The following MTMR3 variants were observed in gnomAD, a reference collection of about 807,000 sequenced individuals.
MTMR3 encodes phosphatidylinositol-3,5-bisphosphate 3-phosphatase MTMR3.
Under a neutral mutation model 132.4 loss-of-function variants are expected in MTMR3, and 32 were observed. The ratio of observed to expected loss-of-function variants is 0.24; its 90% CI spans 0.18 to 0.32. The LOEUF (loss-of-function observed/expected upper bound fraction) is 0.32. MTMR3 is among the 10% of genes least tolerant of loss of function. The pLI, the probability that MTMR3 is intolerant of heterozygous loss-of-function variation, is 1.00. For missense variants in MTMR3, 1,216 were observed against 1,489.6 expected, an observed-to-expected ratio of 0.82 and a Z score of 3.02; for synonymous variants, 556 against 550.3, an observed-to-expected ratio of 1.01 and a Z score of -0.14.
chr22:29,968,551 T>C (rs946576710), intron 2 of MTMR3, among the ~76,000 whole-genome samples: 5 of 152,192 alleles, frequency 3.3e-5, no homozygotes, highest in Non-Finnish European at 7.4e-5. Flanking sequence ...AATAAGTGCC[T>C]TTTTGCACAT....
chr22:29,958,626 A>G lies in MTMR3; in HGVS notation c.-85+1538A>G, dbSNP rs1025787264. Among the ~76,000 whole-genome samples the G allele has an allele frequency of 2.8e-4, 43 of 152,092 alleles. 1 individual carries two copies. Among genetic ancestry groups the G allele is most frequent in the Non-Finnish European group, 8.8e-5 (6 of 68,030 alleles). Reference sequence around the variant, plus strand: ...TATTAAAAGCTTGAGTCTTCCAGAAAGTCTTCCTTAAGTGCCCAGCTCAGA... The same window carrying G: ...TATTAAAAGCTTGAGTCTTCCAGAAGGTCTTCCTTAAGTGCCCAGCTCAGA... On this transcript the variant is annotated intron_variant, in intron 2 of 19. Transcript: ENST00000401950.
At chr22:29,912,065 G>C (rs2065224364) in intron 1 of MTMR3, among the ~76,000 whole-genome samples, 1 of 152,070 alleles carries the variant, frequency 6.6e-6, no homozygotes, top group Non-Finnish European at 1.5e-5. Context: ...GAAATGAAGA[G>C]GTGAGGTATG....
chr22:29,904,521 G>C (rs1454711060), intron 1 of MTMR3, among the ~76,000 whole-genome samples: 2 of 152,184 alleles, frequency 1.3e-5, no homozygotes, highest in African/African-American at 4.8e-5. Context: ...CTGAGTCTCA[G>C]GTTTAAAATG....
chr22:29,942,058 C>T (rs747193924), intron 1 of MTMR3, among the ~76,000 whole-genome samples: 17 of 152,142 alleles, frequency 1.1e-4, no homozygotes, highest in Admixed American at 2.6e-4. Flanking sequence ...GTTGACCCTT[C>T]TGTGACACCT....
chr22:29,969,624 A>G (rs2066494083), intron 2 of MTMR3, among the ~76,000 whole-genome samples: 1 of 151,586 alleles, frequency 6.6e-6, no homozygotes, highest in Non-Finnish European at 1.5e-5. Context: ...TCTGCCTCCC[A>G]GGTTCACGTT....
chr22:29,897,133 G>A (rs1340202028), intron 1 of MTMR3, among the ~76,000 whole-genome samples: 6 of 150,060 alleles, frequency 4.0e-5, no homozygotes, highest in Non-Finnish European at 7.4e-5. Context: ...AGGCTGGAGT[G>A]CAGTGGTGGA....
At chr22:29,908,635 T>A (rs2065146898) in intron 1 of MTMR3, among the ~76,000 whole-genome samples, 2 of 151,528 alleles carry the variant, frequency 1.3e-5, no homozygotes, top group Middle Eastern at 3.4e-3. Flanking sequence ...GGAATATGTC[T>A]TTTTCATTTT....
At chr22:29,917,055 C>A (rs528252466) in intron 1 of MTMR3, among the ~76,000 whole-genome samples, 7 of 152,298 alleles carry the variant, frequency 4.6e-5, no homozygotes, top group African/African-American at 1.4e-4. Flanking sequence ...TGGCTCCCAC[C>A]AGCTGGTATT....
At chr22:29,971,144 C>A in intron 3 of MTMR3, 82 bp downstream of exon 3, 1 of 1,403,110 alleles carries the variant, frequency 7.1e-7, no homozygotes, top group Non-Finnish European at 9.7e-7. Context: ...TAAATTCATA[C>A]TTACCCATTT....
intron 12 of MTMR3, chr22:30,012,154 T>C: frequency 2.0e-6 from 1 of 505,920 alleles, no homozygotes; most frequent in Non-Finnish European, 3.4e-6. Context: ...CTATTAATTG[T>C]AGCCCCTATT....
chr22:29,913,331 G>A (rs2065249349), intron 1 of MTMR3, among the ~76,000 whole-genome samples: 4 of 152,180 alleles, frequency 2.6e-5, no homozygotes, highest in Admixed American at 2.0e-4. Context: ...TATATTTACA[G>A]TAAAGTGATC....
chr22:29,920,911 C>G (rs2065397707), intron 1 of MTMR3, among the ~76,000 whole-genome samples: 1 of 121,216 alleles, frequency 8.2e-6, no homozygotes, highest in South Asian at 2.7e-4. Flanking sequence ...ATTCTAAAGA[C>G]TTTTAAAAAG....
intron 3 of MTMR3, chr22:29,978,172 GA>G (rs1445356394): frequency 5.6e-5 from 14 of 247,828 alleles, no homozygotes; most frequent in East Asian, 2.5e-4. Flanking sequence ...CTCAAAAAAA[GA>G]AAAAAAAGTA....
intron 1 of MTMR3, among the ~76,000 whole-genome samples, chr22:29,911,043 C>A (rs2065201753): frequency 6.6e-6 from 1 of 152,114 alleles, no homozygotes; most frequent in Non-Finnish European, 1.5e-5. Context: ...CACTGGATTT[C>A]TTGTTTTTGA....
Position 30,020,319 on chromosome 22 carries a change from C to G in MTMR3, c.2660C>G (p.Thr887Arg). 1 of 1,614,208 alleles carries G rather than the reference C, an allele frequency of 6.2e-7. No individual in the cohort carries two copies. Among genetic ancestry groups the G allele is most frequent in the Non-Finnish European group, 8.5e-7 (1 of 1,180,036 alleles). The change falls in exon 17 of 20, where the codon ACA (threonine) becomes AGA (arginine). Residue 887 changes from threonine (T) to arginine (R), a missense_variant. By Grantham distance (71) the Thr-to-Arg change is moderately conservative (BLOSUM62 -1). Around this residue, in one of 7 missense-constraint regions of MTMR3, gnomAD observed 852 missense variants for 852.0 expected, o/e 1.00. Coordinates refer to ENST00000401950, the MANE Select transcript of MTMR3 (RefSeq NM_021090.4). ...PQTMEPSPSETSLVERPQVGS... is the reference protein window; with the variant it reads ...PQTMEPSPSERSLVERPQVGS... ...ACCATGGAACCCAGCCCTTCAGAGACAAGCCTGGTCGAGAGGCCCCAAGTG... is the reference window on the plus strand; with the variant it reads ...ACCATGGAACCCAGCCCTTCAGAGAGAAGCCTGGTCGAGAGGCCCCAAGTG...
chr22:29,993,392 TTC>T (rs1421053060), intron 7 of MTMR3: 3 of 152,332 alleles, frequency 2.0e-5, no homozygotes, highest in African/African-American at 4.8e-5. Flanking sequence ...CATGTACAGT[TTC>T]TGAGTTTTTA....
rs776806623 is a variant in MTMR3, at chr22:30,025,607, G to T, written c.3426-23G>T. On this transcript the variant is annotated intron_variant, in intron 19 of 19. Transcript: ENST00000401950. ...ATACCTGCTGGCCAAAACTAACATT[G>T]TTCTGTTTCTTCTCATCTCAAGGAA... 9 of 1,613,790 alleles carry T rather than the reference G, an allele frequency of 5.6e-6. No homozygotes were observed. In the South Asian group the frequency reaches 8.8e-5, roughly 16 times the overall value.
chr22:29,988,983 G>C (rs765930981), intron 6 of MTMR3: 1 of 152,506 alleles, frequency 6.6e-6, no homozygotes, highest in East Asian at 1.9e-4. Flanking sequence ...GCTTTCCTAA[G>C]AATAGGGATA....
intron 3 of MTMR3, among the ~76,000 whole-genome samples, chr22:29,974,391 T>A (rs545971513): frequency 2.8e-4 from 42 of 152,324 alleles, no homozygotes; most frequent in Admixed American, 2.4e-3. Flanking sequence ...TGTTACGTCC[T>A]TGGGGATTAA....
Sources: allele counts gnomAD v4.1 joint callset (sites outside exome capture counted in the v4.1 genomes callset), GRCh38; gene constraint gnomAD v4.1.1; regional missense constraint gnomAD v4.1.1; transcripts MANE v1.5; gene names NCBI Gene and HGNC (gene_info 2026-07-23, HGNC 2026-07-21).